Variants in CDH18 observed in about 807,000 individuals in gnomAD.
CDH18 encodes cadherin-18.
A neutral mutation model predicts 67.9 loss-of-function variants in CDH18; 31 were observed. The ratio of observed to expected loss-of-function variants is 0.46; its 90% CI spans 0.34 to 0.62. The LOEUF (loss-of-function observed/expected upper bound fraction) is 0.62, where lower values mean the gene tolerates loss of function less well. Ranked by LOEUF, CDH18 falls within the 20% of genes least tolerant of loss-of-function variation. The pLI, the probability that CDH18 is intolerant of heterozygous loss-of-function variation, is 0.01. For synonymous variants in CDH18, 362 were observed against 347.2 expected (o/e 1.04, Z -0.48); for missense variants, 890 against 975.5 (o/e 0.91, Z 1.17).
chr5:19,914,597 C>A (rs1791549229), intron 2 of CDH18, among the ~76,000 whole-genome samples: 1 of 152,068 alleles, frequency 6.6e-6, no homozygotes, highest in Non-Finnish European at 1.5e-5. Context: ...TATATCCACA[C>A]ACTACTAAAT....
At chr5:20,203,410 T>C (rs1170224383) in intron 2 of CDH18, among the ~76,000 whole-genome samples, 1 of 152,062 alleles carries the variant, frequency 6.6e-6, no homozygotes, top group East Asian at 1.9e-4. Flanking sequence ...GTTCCATGGT[T>C]CCCCTAGACA....
chr5:20,464,541 T>A lies in CDH18; in HGVS notation c.-580+110921A>T, dbSNP rs192180258. Among the ~76,000 whole-genome samples the A allele has an allele frequency of 9.9e-5, 15 of 152,240 alleles. No individual in the cohort carries two copies. In the East Asian group the frequency reaches 2.9e-3, roughly 29 times the overall value. On this transcript the variant is annotated intron_variant, in intron 1 of 14. Transcript: ENST00000507958. Reference sequence around the variant, plus strand: ...GTTTGATATTGGGAATGGAATAGAATATTGAAACAAATGAAAAAGACATAG... The same window carrying A: ...GTTTGATATTGGGAATGGAATAGAAAATTGAAACAAATGAAAAAGACATAG...
At chr5:19,560,498 T>C (rs930230534) in intron 8 of CDH18, among the ~76,000 whole-genome samples, 3 of 152,032 alleles carry the variant, frequency 2.0e-5, no homozygotes, top group Non-Finnish European at 2.9e-5. Context: ...CTCACCCTTA[T>C]ACAAAACTCA....
At chr5:20,277,344 G>A (rs1310798071) in intron 1 of CDH18, among the ~76,000 whole-genome samples, 1 of 151,980 alleles carries the variant, frequency 6.6e-6, no homozygotes, top group Non-Finnish European at 1.5e-5. Flanking sequence ...AGGAAGGAAA[G>A]GAAAAAGAGT....
intron 2 of CDH18, among the ~76,000 whole-genome samples, chr5:20,068,996 C>A (rs1743212305): frequency 6.6e-6 from 1 of 152,072 alleles, no homozygotes; most frequent in Non-Finnish European, 1.5e-5. Context: ...CCTTCTAATT[C>A]ACCTCAACTC....
At chr5:19,592,456 G>T (rs1483624497) in intron 6 of CDH18, among the ~76,000 whole-genome samples, 1 of 152,026 alleles carries the variant, frequency 6.6e-6, no homozygotes, top group East Asian at 1.9e-4. Context: ...AGAAGCCCAG[G>T]AATCTTGAAT....
Position 19,473,013 on chromosome 5 carries a change from C to T in CDH18, c.*213G>A, listed in dbSNP as rs997879527. 1.8e-4 allele frequency: 94 copies of T among 512,232 alleles called. No homozygotes were observed. Among genetic ancestry groups the T allele is most frequent in the African/African-American group, 1.7e-3 (89 of 51,410 alleles). 31.7% of individuals were successfully genotyped at this position (512,232 alleles called of 1,614,324 possible). On this transcript the variant is annotated 3_prime_UTR_variant, in exon 13 of 13. Transcript: ENST00000382275. ...TGAAAATATACACAAGGAACAATAA[C>T]TTTTTCTTTGTATTGTCTTTTTTTT...
At chr5:19,759,349 T>C (rs777404677) in intron 3 of CDH18, among the ~76,000 whole-genome samples, 2 of 152,200 alleles carry the variant, frequency 1.3e-5, no homozygotes, top group African/African-American at 2.4e-5. Context: ...GGATGCAATA[T>C]TTTCTTCGAT....
At chr5:20,404,906 A>C (rs1746096109) in intron 1 of CDH18, among the ~76,000 whole-genome samples, 1 of 152,156 alleles carries the variant, frequency 6.6e-6, no homozygotes, top group African/African-American at 2.4e-5. Flanking sequence ...ACTGGCACAA[A>C]CCTACAGAAG....
At chr5:19,930,175 G>T (rs769095080) in intron 2 of CDH18, among the ~76,000 whole-genome samples, 2 of 152,040 alleles carry the variant, frequency 1.3e-5, no homozygotes, top group African/African-American at 2.4e-5. Flanking sequence ...GGAACAAAGG[G>T]AGGATAAGTG....
At chr5:19,502,940 A>G (rs781092882) in intron 11 of CDH18, 52 bp downstream of exon 11, 14 of 1,012,668 alleles carry the variant, frequency 1.4e-5, no homozygotes, top group Non-Finnish European at 1.9e-5. Flanking sequence ...TATTACATAT[A>G]AGGTCAAAGC....
chr5:20,506,629 G>A (rs980281373), intron 1 of CDH18, among the ~76,000 whole-genome samples: 1 of 152,212 alleles, frequency 6.6e-6, no homozygotes, highest in East Asian at 1.9e-4. Context: ...ACACTGTAAA[G>A]TAAGGGACTC....
chr5:19,922,709 C>T (rs1317256166), intron 2 of CDH18, among the ~76,000 whole-genome samples: 1 of 152,122 alleles, frequency 6.6e-6, no homozygotes, highest in Admixed American at 6.6e-5. Flanking sequence ...CGTTTAAACT[C>T]TCTGTGTTTA....
intron 1 of CDH18, among the ~76,000 whole-genome samples, chr5:20,458,213 G>A (rs1342139053): frequency 6.6e-6 from 1 of 152,096 alleles, no homozygotes; most frequent in East Asian, 1.9e-4. Flanking sequence ...GATCTCCTGG[G>A]CTCAAGTGAT....
At chr5:20,239,932 A>C (rs1045232064) in intron 2 of CDH18, among the ~76,000 whole-genome samples, 2 of 152,134 alleles carry the variant, frequency 1.3e-5, no homozygotes, top group Non-Finnish European at 2.9e-5. Context: ...CAGAGAATAT[A>C]GACTTCCGAA....
intron 2 of CDH18, among the ~76,000 whole-genome samples, chr5:20,094,834 T>C (rs1184026992): frequency 6.6e-6 from 1 of 152,160 alleles, no homozygotes; most frequent in Non-Finnish European, 1.5e-5. Flanking sequence ...TAAATCATTC[T>C]ACTAATAAAG....
chr5:20,388,991 A>C (rs1415779609), intron 1 of CDH18, among the ~76,000 whole-genome samples: 2 of 152,164 alleles, frequency 1.3e-5, no homozygotes, highest in Non-Finnish European at 2.9e-5. Context: ...CAATTTTGGA[A>C]TAAGTGCAGT....
intron 1 of CDH18, among the ~76,000 whole-genome samples, chr5:20,257,450 A>C (rs11951558): frequency 6.7e-6 from 1 of 149,112 alleles, no homozygotes; most frequent in South Asian, 2.2e-4. Flanking sequence ...GGCAAAAAGC[A>C]TATGGCTGAT....
intron 2 of CDH18, among the ~76,000 whole-genome samples, chr5:19,952,216 AT>A (rs1213203812): frequency 6.6e-6 from 1 of 151,950 alleles, no homozygotes; most frequent in African/African-American, 2.4e-5. Context: ...CACCTGGCTA[AT>A]TTTTTGTGGT....
Sources: gnomAD v4.1 joint callset for allele counts (sites outside exome capture counted in the v4.1 genomes callset) on GRCh38, gnomAD v4.1.1 for gene constraint, MANE v1.5 for transcripts, NCBI Gene and HGNC (gene_info 2026-07-23, HGNC 2026-07-21) for gene names.